Variants in HMCN1 observed in about 807,000 individuals in gnomAD.
HMCN1 encodes hemicentin-1.
Under a neutral mutation model 625.9 loss-of-function variants are expected in HMCN1, and 321 were observed. The ratio of observed to expected loss-of-function variants is 0.51; its 90% confidence interval spans 0.47 to 0.56. The LOEUF (loss-of-function observed/expected upper bound fraction) is 0.56. Ranked by LOEUF, HMCN1 falls within the 20% of genes least tolerant of loss-of-function variation. The pLI is 0.00. For missense variants in HMCN1, 6,588 were observed against 6,887.3 expected, an observed-to-expected ratio of 0.96 and a Z score of 1.54; for synonymous variants, 2,425 against 2,417.6, an observed-to-expected ratio of 1.00 and a Z score of -0.09.
intron 12 of HMCN1, 141 bp from the exon 13 acceptor site, chr1:185,963,627 T>C (rs544561796): frequency 4.7e-6 from 3 of 642,004 alleles, no homozygotes; most frequent in Admixed American, 5.2e-5. Flanking sequence ...TATAAAATAA[T>C]GATGGTAACC....
chr1:185,756,901 A>C (rs1395787178), intron 1 of HMCN1, among the ~76,000 whole-genome samples: 5 of 151,680 alleles, frequency 3.3e-5, no homozygotes. Context: ...TTCCATCCAC[A>C]TGATAACCAT....
At chr1:186,133,953 C>G (rs1365073519) in intron 86 of HMCN1, among the ~76,000 whole-genome samples, 3 of 151,932 alleles carry the variant, frequency 2.0e-5, no homozygotes, top group Admixed American at 6.6e-5. Flanking sequence ...AATTATGGCT[C>G]AACAAGGAGA....
chr1:186,050,445 A>G (rs966846491), intron 42 of HMCN1, among the ~76,000 whole-genome samples: 2 of 151,852 alleles, frequency 1.3e-5, no homozygotes, highest in South Asian at 2.1e-4. Flanking sequence ...AGTAAAAGAG[A>G]CTCTAGATAA....
In HMCN1 at chr1:185,784,053, C is replaced by T. The variant is rs551336769; in HGVS notation, c.268+49006C>T. ...TTACCTATTCAAGCCTCAGCAATGG[C>T]GGTCGCCCCTCCCCCCGCCTCGCTG... On this transcript the variant is annotated intron_variant, in intron 1 of 106. Transcript: ENST00000271588. Among the ~76,000 whole-genome samples the T allele has an allele frequency of 7.9e-5, 12 of 152,292 alleles. No individual in the cohort carries two copies. The East Asian group carries it at 9.6e-4, about 12-fold the overall frequency.
Position 186,057,227 on chromosome 1 carries a change from CT to C in HMCN1, c.7145-5del. 6.2e-7 allele frequency: 1 copy of C among 1,608,450 alleles called. No homozygotes were observed. The highest frequency in any genetic ancestry group is 8.5e-7 in the Non-Finnish European group (1 of 1,175,622). The stretch of plus-strand genomic sequence containing the variant: ...CCATTCCCTGTTTGTTTTATTTTGT[CT>C]TACAGCTCCTCCAAGCATCATAGGA... On this transcript the variant is annotated splice_polypyrimidine_tract_variant and splice_region_variant and intron_variant, in intron 45 of 106. Coordinates refer to ENST00000271588, the MANE Select transcript of HMCN1 (RefSeq NM_031935.3).
Position 185,963,782 on chromosome 1 carries a change from C to T in HMCN1, c.1985C>T (p.Ser662Leu), listed in dbSNP as rs1295035968. The T allele has an allele frequency of 6.2e-7, 1 of 1,605,728 alleles. No homozygotes were observed. ...TTTATTCATAGGTATAGGATGACCT[C>T]AGATGGTACCTTATTTATCAAAAAT... is the stretch of plus-strand genomic sequence containing the variant. ...IVGSHRYRMTSDGTLFIKNAA... is the reference protein window; with the variant it reads ...IVGSHRYRMTLDGTLFIKNAA... The change falls in exon 13 of 107, where the codon TCA becomes TTA. Residue 662 changes from serine (S) to leucine (L), a missense_variant. Ser to Leu is a moderately radical substitution (Grantham distance 145). Coordinates refer to ENST00000271588, the MANE Select transcript of HMCN1 (RefSeq NM_031935.3).
rs202044553 is a variant in HMCN1, at chr1:186,151,769, C to A, written c.14896+26C>A. On this transcript the variant is annotated intron_variant, in intron 95 of 106. Transcript: ENST00000271588. Reference sequence around the variant, plus strand: ...GTTAGTGTCAGCTGAATTTAATATTCTATTACTATAAAAAGTGCCATGAAG... The same window carrying A: ...GTTAGTGTCAGCTGAATTTAATATTATATTACTATAAAAAGTGCCATGAAG... 2.7e-4 allele frequency: 436 copies of A among 1,608,432 alleles called. 1 individual carries two copies. The African/African-American group carries it at 5.0e-3, about 18-fold the overall frequency.
chr1:186,146,227 C>A (rs1650310989), intron 93 of HMCN1, among the ~76,000 whole-genome samples: 1 of 152,002 alleles, frequency 6.6e-6, no homozygotes, highest in African/African-American at 2.4e-5. Flanking sequence ...GGGGCAGTGG[C>A]TAAATATCTA....
At position 185,982,161 on chromosome 1, in the gene HMCN1, A is replaced by G. The variant is rs540683478; in HGVS notation, c.2663-101A>G. 456 of 1,189,528 alleles carry G rather than the reference A, an allele frequency of 3.8e-4. 1 individual carries two copies. Among genetic ancestry groups the G allele is most frequent in the Non-Finnish European group, 5.1e-4 (409 of 800,430 alleles). The allele number at this position is 1,189,528 out of a possible 1,614,324, so 73.7% of individuals were successfully genotyped here. A position where few individuals can be genotyped will look rare whatever the true frequency, so the allele number is the denominator to read the frequency against. ...AAATATTTTGTTTCTGAAAACTCAA[A>G]CTTTTATAGCATAACTAACAGTCTT... On this transcript the variant is annotated intron_variant, in intron 17 of 106. Coordinates refer to ENST00000271588, the MANE Select transcript of HMCN1 (RefSeq NM_031935.3).
chr1:185,840,988 T>A (rs145363651), intron 1 of HMCN1, among the ~76,000 whole-genome samples: 88 of 152,268 alleles, frequency 5.8e-4, no homozygotes, highest in Non-Finnish European at 4.1e-4. Flanking sequence ...AAACTACAAG[T>A]AGCAGAAATC....
intron 1 of HMCN1, among the ~76,000 whole-genome samples, chr1:185,792,016 G>GCCTACTATCTTCC (rs1658037595): frequency 2.0e-5 from 3 of 152,094 alleles, no homozygotes; most frequent in Non-Finnish European, 2.9e-5. Flanking sequence ...TCCAAGCAAT[G>GCCTACTATCTTCC]AAATTATAGA....
At chr1:186,139,631 T>G (rs1412918644) in intron 89 of HMCN1, among the ~76,000 whole-genome samples, 1 of 152,024 alleles carries the variant, frequency 6.6e-6, no homozygotes, top group African/African-American at 2.4e-5. Context: ...CTCTAGTTAT[T>G]TCCCCCAGTC....
chr1:186,005,329 A>AT (rs1327618035), intron 29 of HMCN1, among the ~76,000 whole-genome samples: 1 of 145,448 alleles, frequency 6.9e-6, no homozygotes, highest in African/African-American at 2.6e-5. Flanking sequence ...TTTATAAACA[A>AT]TTTTTTAATT....
intron 7 of HMCN1, 77 bp downstream of exon 7, chr1:185,922,576 T>C: frequency 7.4e-7 from 1 of 1,349,160 alleles, no homozygotes; most frequent in Non-Finnish European, 1.0e-6. Context: ...TCTATAATTT[T>C]ATAATTTTGT....
At chr1:186,076,708 G>A (rs61831264) in intron 54 of HMCN1, 86 bp downstream of exon 54, 1 of 1,351,562 alleles carries the variant, frequency 7.4e-7, no homozygotes, top group Non-Finnish European at 1.0e-6. Context: ...AATTGGTTGG[G>A]TCTCTGGCTA....
intron 21 of HMCN1, 146 bp downstream of exon 21, chr1:185,989,793 T>TTTTC: frequency 1.4e-6 from 1 of 716,034 alleles, no homozygotes; most frequent in Non-Finnish European, 2.2e-6. Flanking sequence ...TTTTTTTTTT[T>TTTTC]ACAGAAATGC....
At chr1:186,086,555 T>C (rs778048633) in intron 58 of HMCN1, 148 bp downstream of exon 58, 41 of 797,240 alleles carry the variant, frequency 5.1e-5, no homozygotes, top group African/African-American at 8.7e-5. Context: ...TTTGTGGTCA[T>C]TAAGGTAAGA....
chr1:185,957,796 A>C lies in HMCN1; in HGVS notation c.1829-4722A>C, dbSNP rs756809844. ...GTCACCAGAGAGAATATTGCAACAA[A>C]AAAGGAAATATTTCTCAAGATGGTT... On this transcript the variant is annotated intron_variant, in intron 11 of 106. Coordinates refer to ENST00000271588, the MANE Select transcript of HMCN1 (RefSeq NM_031935.3). Among the ~76,000 whole-genome samples the C allele has an allele frequency of 2.3e-3, 346 of 152,310 alleles. 2 individuals carry two copies. Among genetic ancestry groups the C allele is most frequent in the Non-Finnish European group, 3.7e-3 (250 of 68,028 alleles).
At chr1:186,178,992 T>C (rs1652771616) in intron 104 of HMCN1, among the ~76,000 whole-genome samples, 1 of 152,236 alleles carries the variant, frequency 6.6e-6, no homozygotes, top group South Asian at 2.1e-4. Context: ...TGTGTTATAG[T>C]CAGTTTCTTT....
Sources: allele counts gnomAD v4.1 joint callset (sites outside exome capture counted in the v4.1 genomes callset), GRCh38; gene constraint gnomAD v4.1.1; transcripts MANE v1.5; gene names NCBI Gene and HGNC (gene_info 2026-07-23, HGNC 2026-07-21).